CFAP95: variants seen among roughly 807,000 people sequenced by gnomAD.
The protein encoded by CFAP95 is cilia- and flagella-associated protein 95.
the CFAP95 span, among the ~76,000 whole-genome samples, chr9:69,878,329 C>G: frequency 1.5e-4 from 23 of 152,168 alleles, no homozygotes; most frequent in Non-Finnish European, 2.9e-4. Flanking sequence ...TGGTCTTAGA[C>G]TTGTTCTTAC....
the CFAP95 span, among the ~76,000 whole-genome samples, chr9:69,875,011 TTCTGACC>T: frequency 6.6e-6 from 1 of 152,246 alleles, no homozygotes; most frequent in Non-Finnish European, 1.5e-5. Flanking sequence ...TCTGTTGTTT[TTCTGACC>T]TCTTGCTTCC....
the CFAP95 span, among the ~76,000 whole-genome samples, chr9:69,823,323 G>A: frequency 1.5e-4 from 23 of 152,150 alleles, no homozygotes; most frequent in African/African-American, 4.6e-4. Flanking sequence ...GGGACTACAG[G>A]TCCCTCCCGA....
chr9:69,886,892 A>T, the CFAP95 span: 1 of 1,611,030 alleles, frequency 6.2e-7, no homozygotes, highest in Non-Finnish European at 8.5e-7. Flanking sequence ...ATTATCAGCC[A>T]CATGTGAGTA....
chr9:69,874,317 C>T, the CFAP95 span, among the ~76,000 whole-genome samples: 1 of 152,176 alleles, frequency 6.6e-6, no homozygotes, highest in African/African-American at 2.4e-5. Context: ...GGCATTCTCT[C>T]TCTGTGAAAA....
chr9:69,843,557 CCTTCTT>C, the CFAP95 span, among the ~76,000 whole-genome samples: 143 of 14,710 alleles, frequency 9.7e-3, 1 homozygote, highest in Admixed American at 0.015. Flanking sequence ...TCCTCCTCCT[CCTTCTT>C]CTTCTTCTTC....
At chr9:69,854,094 C>T in the CFAP95 span, among the ~76,000 whole-genome samples, 1 of 152,184 alleles carries the variant, frequency 6.6e-6, no homozygotes, top group Non-Finnish European at 1.5e-5. Context: ...GAAGGAATGT[C>T]TAATATTGGG....
the CFAP95 span, among the ~76,000 whole-genome samples, chr9:69,875,159 G>A: frequency 6.6e-6 from 1 of 152,058 alleles, no homozygotes; most frequent in Non-Finnish European, 1.5e-5. Context: ...AATTTGGGGA[G>A]CACATAATGT....
the CFAP95 span, among the ~76,000 whole-genome samples, chr9:69,836,127 A>G: frequency 6.6e-6 from 1 of 152,196 alleles, no homozygotes; most frequent in Non-Finnish European, 1.5e-5. Flanking sequence ...AGGCCTTCTT[A>G]TGAAAGGTGG....
chr9:69,895,904 T>C, the CFAP95 span, among the ~76,000 whole-genome samples: 3 of 152,160 alleles, frequency 2.0e-5, no homozygotes, highest in African/African-American at 7.2e-5. Context: ...CAAGTGATCC[T>C]CCTGCCTCAG....
the CFAP95 span, among the ~76,000 whole-genome samples, chr9:69,854,612 C>A: frequency 1.3e-5 from 2 of 152,224 alleles, no homozygotes; most frequent in Non-Finnish European, 2.9e-5. Flanking sequence ...ACCTCCAGAT[C>A]CACTCTCCAC....
the CFAP95 span, among the ~76,000 whole-genome samples, chr9:69,856,920 G>GTTTTTTT: frequency 2.4e-5 from 3 of 125,926 alleles, no homozygotes; most frequent in African/African-American, 2.9e-5. Context: ...CTTTATATGT[G>GTTTTTTT]TTTTTTTTTT....
At chr9:69,897,671 T>C in the CFAP95 span, among the ~76,000 whole-genome samples, 1 of 152,160 alleles carries the variant, frequency 6.6e-6, no homozygotes, top group African/African-American at 2.4e-5. Flanking sequence ...CATTATCATT[T>C]TACCGAAAAA....
chr9:69,864,240 A>G, the CFAP95 span, among the ~76,000 whole-genome samples: 3 of 152,214 alleles, frequency 2.0e-5, no homozygotes, highest in East Asian at 1.9e-4. Context: ...TGTAATCCAC[A>G]TAATGGGAGA....
chr9:69,902,207 G>T, the CFAP95 span: 1 of 395,584 alleles, frequency 2.5e-6, no homozygotes, highest in Non-Finnish European at 5.0e-6. Context: ...GGCCCTTTCT[G>T]CTTTCCCTTC....
chr9:69,871,613 T>C, the CFAP95 span, among the ~76,000 whole-genome samples: 2 of 150,710 alleles, frequency 1.3e-5, no homozygotes, highest in African/African-American at 4.9e-5. Context: ...TACTTGAAGA[T>C]TGATTAATTA....
chr9:69,832,058 G>A, the CFAP95 span, among the ~76,000 whole-genome samples: 1 of 152,136 alleles, frequency 6.6e-6, no homozygotes, highest in Non-Finnish European at 1.5e-5. Flanking sequence ...TTTATAACAA[G>A]GGTGTGAACA....
the CFAP95 span, chr9:69,857,997 C>T: frequency 1.9e-6 from 3 of 1,605,600 alleles, no homozygotes; most frequent in Admixed American, 3.3e-5. Context: ...CCCTAAACTG[C>T]TACAACTGTA....
chr9:69,852,051 G>T, the CFAP95 span, among the ~76,000 whole-genome samples: 4 of 152,162 alleles, frequency 2.6e-5, no homozygotes, highest in South Asian at 8.3e-4. Flanking sequence ...TCTTTACATG[G>T]CACTGCTGAG....
chr9:69,894,517 G>A, the CFAP95 span, among the ~76,000 whole-genome samples: 2 of 152,164 alleles, frequency 1.3e-5, no homozygotes, highest in African/African-American at 4.8e-5. Flanking sequence ...CCATGTTCCA[G>A]GCACTGGCTT....
Sources: gnomAD v4.1 joint callset for allele counts (sites outside exome capture counted in the v4.1 genomes callset) on GRCh38, gnomAD v4.1.1 for gene constraint, MANE v1.5 for transcripts, NCBI Gene and HGNC (gene_info 2026-07-23, HGNC 2026-07-21) for gene names.